WWOX: variants seen among roughly 807,000 people sequenced by gnomAD.
The protein encoded by WWOX is WW domain-containing oxidoreductase.
WWOX carries 69 observed loss-of-function variants against 46.2 expected under a neutral mutation model. The ratio of observed to expected loss-of-function variants is 1.49; its 90% CI spans 1.23 to 1.82. WWOX has a LOEUF of 1.82. Ranked by LOEUF, WWOX falls within the 40% of genes most tolerant of loss-of-function variation. WWOX has a pLI of 0.00. For missense variants in WWOX, 919 were observed against 542.6 expected, an observed-to-expected ratio of 1.69 and a Z score of -6.89; for synonymous variants, 359 against 202.6, an observed-to-expected ratio of 1.77 and a Z score of -6.56.
chr16:79,047,415 G>C (rs1000280625), intron 8 of WWOX, among the ~76,000 whole-genome samples: 4 of 152,172 alleles, frequency 2.6e-5, no homozygotes, highest in African/African-American at 9.7e-5. Flanking sequence ...TTGGTTAATT[G>C]ATTAATTGAT....
At position 78,342,973 on chromosome 16, in the gene WWOX, A is replaced by G. The variant is rs1426101857; in HGVS notation, c.517-43887A>G. Among the ~76,000 whole-genome samples, 16 of 121,016 alleles carry G rather than the reference A, an allele frequency of 1.3e-4. 6 individuals carry two copies. Among genetic ancestry groups the G allele is most frequent in the Admixed American group, 1.3e-3 (16 of 12,510 alleles). 79.4% of individuals were successfully genotyped at this position (121,016 alleles called of 152,430 possible). ...GGGATAGGCCCTTGCAGATGACAAT[A>G]AAGGTATTTTGGCACATAAAAAAAC... On this transcript the variant is annotated intron_variant, in intron 5 of 8. Transcript: ENST00000566780.
At chr16:78,167,144 C>CTGAGAACACAATATATA (rs1164362980) in intron 5 of WWOX, 6 of 152,154 alleles carry the variant, frequency 3.9e-5, no homozygotes, top group Non-Finnish European at 7.3e-5. Flanking sequence ...CTCTTCTTTT[C>CTGAGAACACAATATATA]TGAGAACACA....
At chr16:78,786,317 A>G (rs1004552922) in intron 8 of WWOX, among the ~76,000 whole-genome samples, 1 of 152,206 alleles carries the variant, frequency 6.6e-6, no homozygotes, top group East Asian at 1.9e-4. Context: ...AAATAGTGGT[A>G]CCCTGAGCAA....
At chr16:79,108,082 C>G (rs927999432) in intron 8 of WWOX, among the ~76,000 whole-genome samples, 3 of 152,136 alleles carry the variant, frequency 2.0e-5, no homozygotes, top group African/African-American at 7.2e-5. Context: ...TATCTATTAT[C>G]AGGATTTTCT....
In WWOX at chr16:78,989,821, C is replaced by CGTGTGTGTGT. The variant is rs71384389; in HGVS notation, c.1057-221761_1057-221752dup. On this transcript the variant is annotated intron_variant, in intron 8 of 8. Transcript: ENST00000566780. ...AAGTGAGACAGAGGTGGTGTGTGAG[C>CGTGTGTGTGT]GTGTGTGTGTGTGTGTGTGTGTGTG... 2.1e-3 allele frequency among the ~76,000 whole-genome samples: 281 copies of CGTGTGTGTGT among 136,486 alleles called. 2 individuals carry two copies. Among genetic ancestry groups the CGTGTGTGTGT allele is most frequent in the South Asian group, 0.018 (71 of 3,986 alleles). The allele number at this position is 136,486 out of a possible 152,430, so 89.5% of individuals were successfully genotyped here. A position where few individuals can be genotyped will look rare whatever the true frequency, so the allele number is the denominator to read the frequency against.
intron 8 of WWOX, among the ~76,000 whole-genome samples, chr16:78,622,656 T>G (rs2046217827): frequency 6.9e-6 from 1 of 145,878 alleles, no homozygotes; most frequent in African/African-American, 2.6e-5. Flanking sequence ...GTGATCACCC[T>G]TCCCCCACCT....
intron 1 of WWOX, among the ~76,000 whole-genome samples, chr16:78,102,127 C>T (rs2031838651): frequency 6.6e-6 from 1 of 152,136 alleles, no homozygotes; most frequent in South Asian, 2.1e-4. Flanking sequence ...CACCATGTTG[C>T]CCAGGCTGGT....
chr16:78,128,196 T>G (rs36017005), intron 4 of WWOX, among the ~76,000 whole-genome samples: 29,021 of 152,094 alleles, frequency 0.19, 2,906 homozygotes, highest in East Asian at 0.26. Context: ...ACTTTTTTTT[T>G]TTGTTGTTGT....
At chr16:78,568,797 C>T (rs1448734612) in intron 8 of WWOX, among the ~76,000 whole-genome samples, 7 of 152,188 alleles carry the variant, frequency 4.6e-5, no homozygotes. Context: ...AAGCCAGAAA[C>T]AACTGGCTGT....
intron 8 of WWOX, among the ~76,000 whole-genome samples, chr16:78,967,601 A>C (rs1477579446): frequency 2.6e-5 from 4 of 151,512 alleles, no homozygotes; most frequent in Non-Finnish European, 5.9e-5. Flanking sequence ...CACTATGCCC[A>C]ATACCCCCTA....
At chr16:78,645,317 C>G (rs1368850199) in intron 8 of WWOX, among the ~76,000 whole-genome samples, 1 of 152,218 alleles carries the variant, frequency 6.6e-6, no homozygotes, top group African/African-American at 2.4e-5. Flanking sequence ...CCTATCAATG[C>G]TTTAACAAAT....
In WWOX at chr16:78,206,369, G is replaced by C. The variant is rs554258965; in HGVS notation, c.516+42080G>C. On this transcript the variant is annotated intron_variant, in intron 5 of 8. Transcript: ENST00000566780. ...GAACAACCATTAGAAAGGAGGAGGA[G>C]AAGAATTAGAAGGAAAAAAAAGGTA... 2.6e-5 allele frequency among the ~76,000 whole-genome samples: 4 copies of C among 152,118 alleles called. No homozygotes were observed. The East Asian group carries it at 7.7e-4, about 29-fold the overall frequency.
chr16:78,119,877 T>C (rs2151681484), intron 4 of WWOX, among the ~76,000 whole-genome samples: 1 of 152,320 alleles, frequency 6.6e-6, no homozygotes, highest in East Asian at 1.9e-4. Flanking sequence ...AACTTGATTT[T>C]TAAAATTTTT....
At chr16:78,791,018 CAAA>C (rs775592585) in intron 8 of WWOX, among the ~76,000 whole-genome samples, 14 of 62,454 alleles carry the variant, frequency 2.2e-4, no homozygotes, top group African/African-American at 7.3e-4. Flanking sequence ...GACCCTGTCT[CAAA>C]AAAAAAAAAA....
intron 4 of WWOX, among the ~76,000 whole-genome samples, chr16:78,147,620 C>T (rs539121201): frequency 6.8e-5 from 10 of 147,558 alleles, no homozygotes; most frequent in East Asian, 4.0e-4. Context: ...TACCACTTTT[C>T]GCTTTTTTAA....
intron 8 of WWOX, among the ~76,000 whole-genome samples, chr16:78,905,003 T>TTA (rs1454623453): frequency 6.6e-6 from 1 of 152,206 alleles, no homozygotes; most frequent in Non-Finnish European, 1.5e-5. Flanking sequence ...TATAGTGTTA[T>TTA]TATAACTACA....
rs1249826757 is a variant in WWOX, at chr16:78,443,536, C to T, written c.1056+10784C>T. Reference sequence around the variant, plus strand: ...ATCTGCCTTTGTGAGGCTGGAGCACCTCATCAATGTATTTTTTCTGCCTTG... The same window carrying T: ...ATCTGCCTTTGTGAGGCTGGAGCACTTCATCAATGTATTTTTTCTGCCTTG... On this transcript the variant is annotated intron_variant, in intron 8 of 8. Coordinates refer to ENST00000566780, the MANE Select transcript of WWOX (RefSeq NM_016373.4). Among the ~76,000 whole-genome samples the T allele has an allele frequency of 5.3e-5, 8 of 152,110 alleles. No individual in the cohort carries two copies. The South Asian group carries it at 8.3e-4, about 16-fold the overall frequency.
chr16:79,046,273 G>A (rs1004714578), intron 8 of WWOX, among the ~76,000 whole-genome samples: 1 of 152,118 alleles, frequency 6.6e-6, no homozygotes, highest in Non-Finnish European at 1.5e-5. Context: ...CCCTTGAACT[G>A]TAAAGCTCTC....
chr16:78,654,665 ATGTGTGTGTG>A (rs993939303), intron 8 of WWOX, among the ~76,000 whole-genome samples: 2 of 150,366 alleles, frequency 1.3e-5, no homozygotes, highest in African/African-American at 4.9e-5. Context: ...CTCTGTGTGT[ATGTGTGTGTG>A]TGTATAAAAT....
Sources: gnomAD v4.1 joint callset for allele counts (sites outside exome capture counted in the v4.1 genomes callset) on GRCh38, gnomAD v4.1.1 for gene constraint, MANE v1.5 for transcripts, NCBI Gene and HGNC (gene_info 2026-07-23, HGNC 2026-07-21) for gene names.